Variants in HSF2BP observed in about 807,000 individuals in gnomAD.
HSF2BP encodes the protein heat shock factor 2-binding protein.
In HSF2BP, 35 loss-of-function variants were observed where a neutral mutation model predicts 35.0. The observed-to-expected ratio is 1.00, with a 90% CI of 0.76 to 1.32. The LOEUF is 1.32. Ranked by LOEUF, HSF2BP falls within the 40% of genes most tolerant of loss-of-function variation. The pLI, the probability that HSF2BP is intolerant of heterozygous loss-of-function variation, is 0.00. For synonymous variants in HSF2BP, 114 were observed against 117.4 expected, an observed-to-expected ratio of 0.97 and a Z score of 0.18; for missense variants, 326 against 321.7, an observed-to-expected ratio of 1.01 and a Z score of -0.10.
chr21:43,632,387 A>C (rs372845935), intron 5 of HSF2BP, among the ~76,000 whole-genome samples: 33 of 43,478 alleles, frequency 7.6e-4, no homozygotes, highest in African/African-American at 2.1e-3. Context: ...CTCCCCCCCC[A>C]CACACACACA....
At chr21:43,623,021 C>G (rs905773016) in intron 6 of HSF2BP, among the ~76,000 whole-genome samples, 22 of 149,968 alleles carry the variant, frequency 1.5e-4, no homozygotes, top group African/African-American at 5.2e-4. Context: ...CCAGGCTCGT[C>G]TGAAACTCCT....
rs762585967 is a variant in HSF2BP, at chr21:43,612,650, CAAAAA to C, written c.692+1175_692+1179del. On this transcript the variant is annotated intron_variant, in intron 7 of 8. Coordinates refer to ENST00000291560, the MANE Select transcript of HSF2BP (RefSeq NM_007031.2). ...CGGGTGACAGAGCAAGACTCCGTCT[CAAAAA>C]AAAAAAAAAAAAAAAAAGTGCTCCA... Among the ~76,000 whole-genome samples the C allele has an allele frequency of 7.8e-5, 6 of 76,522 alleles. No individual in the cohort carries two copies. The East Asian group carries it at 1.1e-3, about 14-fold the overall frequency. 50.2% of individuals were successfully genotyped at this position (76,522 alleles called of 152,430 possible).
At chr21:43,580,007 G>A (rs1339069195) in intron 8 of HSF2BP, among the ~76,000 whole-genome samples, 1 of 152,178 alleles carries the variant, frequency 6.6e-6, no homozygotes, top group Non-Finnish European at 1.5e-5. Context: ...CCTGCTTTCT[G>A]ATGCCTCGAC....
chr21:43,573,472 C>T (rs930676846), intron 8 of HSF2BP, among the ~76,000 whole-genome samples: 4 of 152,206 alleles, frequency 2.6e-5, no homozygotes, highest in African/African-American at 7.2e-5. Flanking sequence ...AGAAATCCAA[C>T]CAGTAACATA....
intron 6 of HSF2BP, among the ~76,000 whole-genome samples, chr21:43,620,031 T>C (rs1181662477): frequency 6.6e-6 from 1 of 152,198 alleles, no homozygotes; most frequent in African/African-American, 2.4e-5. Context: ...AGGCACCATC[T>C]AGTGCCTATA....
the HSF2BP span, among the ~76,000 whole-genome samples, chr21:43,468,003 A>G: frequency 1.2e-4 from 15 of 121,980 alleles, 1 homozygote; most frequent in South Asian, 4.1e-3. Flanking sequence ...CACACACCAC[A>G]CACACCACAA....
intron 6 of HSF2BP, among the ~76,000 whole-genome samples, chr21:43,616,069 A>G (rs942709495): frequency 1.9e-4 from 29 of 151,582 alleles, no homozygotes; most frequent in Non-Finnish European, 3.7e-4. Context: ...ATATATATAT[A>G]TCATAGCAAG....
intron 3 of HSF2BP, among the ~76,000 whole-genome samples, chr21:43,647,112 T>A (rs904342697): frequency 3.3e-5 from 5 of 152,248 alleles, no homozygotes; most frequent in African/African-American, 1.2e-4. Flanking sequence ...GTATGTCTCA[T>A]TCTCATACAA....
At chr21:43,604,452 ACCAC>A (rs1460570955) in intron 7 of HSF2BP, among the ~76,000 whole-genome samples, 4 of 134,116 alleles carry the variant, frequency 3.0e-5, no homozygotes, top group Non-Finnish European at 6.4e-5. Flanking sequence ...CCACGCACAC[ACCAC>A]ACACACAACA....
At chr21:43,574,500 G>A (rs1344699522) in intron 8 of HSF2BP, among the ~76,000 whole-genome samples, 1 of 152,096 alleles carries the variant, frequency 6.6e-6, no homozygotes, top group African/African-American at 2.4e-5. Context: ...TGGGACTACA[G>A]GCACCCGCCA....
chr21:43,642,495 GCAGGAGCTTTCCTCTGTATTCACCTTA>G lies in HSF2BP; in HGVS notation c.291+1767_291+1793del, dbSNP rs1309315971. On this transcript the variant is annotated intron_variant, in intron 4 of 8. Coordinates refer to ENST00000291560, the MANE Select transcript of HSF2BP (RefSeq NM_007031.2). ...GAAATGGCCTTGTTACAGCAACCTT[GCAGGAGCTTTCCTCTGTATTCACCTTA>G]CAGGAGCTTCCCTCTGTATTCACCT... Among the ~76,000 whole-genome samples, 39 of 152,294 alleles carry G rather than the reference GCAGGAGCTTTCCTCTGTATTCACCTTA, an allele frequency of 2.6e-4. No individual in the cohort carries two copies. The East Asian group carries it at 6.7e-3, about 26-fold the overall frequency.
intron 8 of HSF2BP, among the ~76,000 whole-genome samples, chr21:43,588,380 A>AAAAT (rs749259279): frequency 4.6e-4 from 70 of 152,198 alleles, no homozygotes; most frequent in Admixed American, 1.1e-3. Flanking sequence ...CTCCATCTCA[A>AAAAT]AAATAAATAA....
chr21:43,635,857 A>C (rs1204601316), intron 4 of HSF2BP, among the ~76,000 whole-genome samples: 2 of 143,802 alleles, frequency 1.4e-5, no homozygotes, highest in Non-Finnish European at 3.0e-5. Context: ...TGAACCCAGG[A>C]GGGGGCGACT....
intron 8 of HSF2BP, among the ~76,000 whole-genome samples, chr21:43,584,639 T>C (rs978530126): frequency 6.6e-6 from 1 of 152,236 alleles, no homozygotes; most frequent in Admixed American, 6.5e-5. Flanking sequence ...CCTAGGTGGC[T>C]TGAATAAAAG....
At chr21:43,592,157 C>T (rs1187553711) in intron 8 of HSF2BP, 68 bp downstream of exon 8, 6 of 992,540 alleles carry the variant, frequency 6.0e-6, no homozygotes, top group Non-Finnish European at 9.7e-6. Context: ...GGAACGTATG[C>T]CCCGTGGATA....
Position 43,658,140 on chromosome 21 carries a change from C to T in HSF2BP, c.-44G>A. The T allele has an allele frequency of 1.3e-6, 2 of 1,493,072 alleles. No homozygotes were observed. The highest frequency in any genetic ancestry group is 1.3e-5 in the South Asian group (1 of 78,866). 92.5% of individuals were successfully genotyped at this position (1,493,072 alleles called of 1,614,324 possible). A position where few individuals can be genotyped will look rare whatever the true frequency, so the allele number is the denominator to read the frequency against. On this transcript the variant is annotated 5_prime_UTR_variant, in exon 2 of 9. Transcript: ENST00000291560. ...TCCGTTCGCCTGAGCGTCGGCGCGC[C>T]CTCTGACCCCTCACGCCAGAAAGCG... is the stretch of plus-strand genomic sequence containing the variant.
At chr21:43,655,807 C>A (rs1336100158) in intron 3 of HSF2BP, among the ~76,000 whole-genome samples, 1 of 152,190 alleles carries the variant, frequency 6.6e-6, no homozygotes, top group Admixed American at 6.5e-5. Flanking sequence ...ACTGTCCCTT[C>A]TAACTGGATG....
At chr21:43,589,655 A>G (rs2081901680) in intron 8 of HSF2BP, among the ~76,000 whole-genome samples, 1 of 152,252 alleles carries the variant, frequency 6.6e-6, no homozygotes, top group Non-Finnish European at 1.5e-5. Flanking sequence ...GTATTGGCAT[A>G]ATGATCCAAA....
chr21:43,576,676 G>T (rs17004580), intron 8 of HSF2BP, among the ~76,000 whole-genome samples: 6,830 of 152,178 alleles, frequency 0.045, 519 homozygotes, highest in African/African-American at 0.16. Flanking sequence ...CTACAAATAC[G>T]CTGCAAAATC....
Sources: gnomAD v4.1 joint callset for allele counts (sites outside exome capture counted in the v4.1 genomes callset) on GRCh38, gnomAD v4.1.1 for gene constraint, MANE v1.5 for transcripts, NCBI Gene and HGNC (gene_info 2026-07-23, HGNC 2026-07-21) for gene names.